Variants in KLHL22 observed in about 807,000 individuals in gnomAD.
The protein encoded by KLHL22 is kelch-like protein 22.
KLHL22 carries 18 observed loss-of-function variants against 60.7 expected under a neutral mutation model. The ratio of observed to expected loss-of-function variants is 0.30; its 90% CI spans 0.20 to 0.44. The LOEUF is 0.44. KLHL22 is among the 20% of genes least tolerant of loss of function. The probability of loss-of-function intolerance (pLI) is 1.00; values close to 1 mark genes in which losing one functional copy is unlikely to be tolerated. For missense variants in KLHL22, 596 were observed against 852.3 expected (o/e 0.70, Z 3.74); for synonymous variants, 355 against 354.5 (o/e 1.00, Z -0.01).
In KLHL22 at chr22:20,446,687, C is replaced by A; in HGVS notation, c.1306-11G>T. 1.9e-6 allele frequency: 3 copies of A among 1,604,832 alleles called. No homozygotes were observed. Among genetic ancestry groups the A allele is most frequent in the Non-Finnish European group, 2.5e-6 (3 of 1,177,594 alleles). On this transcript the variant is annotated splice_polypyrimidine_tract_variant and intron_variant, in intron 5 of 6. Transcript: ENST00000328879. ...TGCGTGGGCATACACCTGTGTGGAG[C>A]CACCAGGAGAAATGGCGTGAGAGGG... is the stretch of plus-strand genomic sequence containing the variant.
chr22:20,446,414 G>C, intron 6 of KLHL22, 29 bp downstream of exon 6: 2 of 1,215,298 alleles, frequency 1.6e-6, no homozygotes, highest in Non-Finnish European at 2.4e-6. Context: ...GAATGATGAC[G>C]GGTGTGGACT....
Position 20,441,778 on chromosome 22 carries a change from G to T in KLHL22, c.*295C>A, listed in dbSNP as rs978854516. ...TCCCAGGTCCTTTTGGAGAAGGACTGATCTAGGCAGGGAGGAGAGAAGGCC... is the reference window on the plus strand; with the variant it reads ...TCCCAGGTCCTTTTGGAGAAGGACTTATCTAGGCAGGGAGGAGAGAAGGCC... On this transcript the variant is annotated 3_prime_UTR_variant, in exon 7 of 7. Coordinates refer to ENST00000328879, the MANE Select transcript of KLHL22 (RefSeq NM_032775.4). 3.2e-6 allele frequency: 1 copy of T among 316,948 alleles called. No homozygotes were observed. The highest frequency in any genetic ancestry group is 5.1e-5 in the Admixed American group (1 of 19,798). 19.6% of individuals were successfully genotyped at this position (316,948 alleles called of 1,614,324 possible). A position where few individuals can be genotyped will look rare whatever the true frequency, so the allele number is the denominator to read the frequency against.
chr22:20,465,176 G>T lies in KLHL22; in HGVS notation c.794C>A (p.Pro265His), dbSNP rs948790948. Residue 265 changes from proline (P) to histidine (H), a missense_variant, in exon 4 of 7, where the codon CCT (proline) becomes CAT (histidine). Pro to His is a moderately conservative substitution (Grantham distance 77, BLOSUM62 -2). Coordinates refer to ENST00000328879, the MANE Select transcript of KLHL22 (RefSeq NM_032775.4). This position sits in a 1 kb window ranked among gnomAD's most constrained non-coding sequence, Gnocchi z 4.9. The stretch of plus-strand genomic sequence containing the variant: ...GGCGCTGGCCACTGTGTCCCTCAAA[G>T]GGCTGGGGTCCAGCTTGTCATGCAG... The part of the protein sequence containing the change: ...QRLHDKLDPS[P>H]LRDTVASALM... 3 of 1,613,880 alleles carry T rather than the reference G, an allele frequency of 1.9e-6. No individual in the cohort carries two copies. Among genetic ancestry groups the T allele is most frequent in the Non-Finnish European group, 8.5e-7 (1 of 1,180,016 alleles).
chr22:20,449,958 C>T (rs753381238), intron 5 of KLHL22, among the ~76,000 whole-genome samples: 40 of 152,132 alleles, frequency 2.6e-4, no homozygotes, highest in Non-Finnish European at 5.1e-4. Context: ...GCCTCCGGGC[C>T]GGGGCGGCGG....
chr22:20,486,111 G>A (rs1242466364), intron 2 of KLHL22, among the ~76,000 whole-genome samples: 2 of 145,424 alleles, frequency 1.4e-5, no homozygotes, highest in Admixed American at 1.4e-4. Context: ...AGGTTGCAGT[G>A]AGCCGAGATC....
chr22:20,492,706 C>T (rs1414035598), intron 1 of KLHL22, among the ~76,000 whole-genome samples: 2 of 152,092 alleles, frequency 1.3e-5, no homozygotes, highest in African/African-American at 2.4e-5. Flanking sequence ...TCTCCTGCCT[C>T]AGCCTCCCCA....
chr22:20,494,084 C>CCA (rs397808627), intron 1 of KLHL22, among the ~76,000 whole-genome samples: 17 of 91,154 alleles, frequency 1.9e-4, no homozygotes, highest in East Asian at 6.6e-4. Context: ...GCCCCCCCCC[C>CCA]AAAAAAAAAA....
rs1025200752 is a variant in KLHL22 at position 20,495,084 on chromosome 22, C to A, written c.-34+676G>T. Among the ~76,000 whole-genome samples the A allele has an allele frequency of 3.9e-5, 6 of 152,202 alleles. No individual in the cohort carries two copies. The highest frequency in any genetic ancestry group is 1.4e-4 in the African/African-American group (6 of 41,452). ...ATCTCCCAGGGAGCCGTCTTGGAGG[C>A]ACTCGGCCCCGCGGAGGGCCGGAGC... On this transcript the variant is annotated intron_variant, in intron 1 of 6. Transcript: ENST00000328879. The surrounding 1 kb of genome is among the most constrained non-coding windows in gnomAD (Gnocchi z 4.6).
chr22:20,465,968 C>G lies in KLHL22; in HGVS notation c.394-392G>C, dbSNP rs1194748119. Among the ~76,000 whole-genome samples the G allele has an allele frequency of 6.6e-6, 1 of 152,006 alleles. No homozygotes were observed. The highest frequency in any genetic ancestry group is 6.5e-5 in the Admixed American group (1 of 15,268). ...ACAGAATGTTTTTAACCTCTCTAAG[C>G]CTCAGTCTCCTCATCTATAAAACGG... On this transcript the variant is annotated intron_variant, in intron 3 of 6. Transcript: ENST00000328879. This position sits in a 1 kb window ranked among gnomAD's most constrained non-coding sequence, Gnocchi z 4.9.
chr22:20,484,380 C>T (rs2053553823), intron 2 of KLHL22, among the ~76,000 whole-genome samples: 1 of 152,152 alleles, frequency 6.6e-6, no homozygotes, highest in Non-Finnish European at 1.5e-5. Context: ...CTACAACCTC[C>T]ACCTCCCAGG....
At chr22:20,481,715 C>T (rs981239684) in intron 2 of KLHL22, among the ~76,000 whole-genome samples, 1 of 152,092 alleles carries the variant, frequency 6.6e-6, no homozygotes, top group South Asian at 2.1e-4. Flanking sequence ...GCAATCCTCT[C>T]ACCTCAGCCT....
chr22:20,478,447 C>T (rs551575877), intron 2 of KLHL22, among the ~76,000 whole-genome samples: 7 of 151,400 alleles, frequency 4.6e-5, no homozygotes, highest in Non-Finnish European at 8.8e-5. Flanking sequence ...TCAGGTGATC[C>T]ACCCTCTTCA....
Position 20,489,098 on chromosome 22 carries a change from T to C in KLHL22, c.114A>G (p.Arg38=), listed in dbSNP as rs771357576. The C allele has an allele frequency of 8.1e-6, 13 of 1,613,976 alleles. No individual in the cohort carries two copies. The highest frequency in any genetic ancestry group is 1.1e-5 in the Non-Finnish European group (13 of 1,180,028). Residue 38 remains arginine, a synonymous_variant, in exon 2 of 7, where the codon CGA becomes CGG. Transcript: ENST00000328879. ...RSAQHSQALL[R]GLLALRDSGI... ...CGCTGTCCCGGAGAGCCAGCAGCCC[T>C]CGGAGCAGAGCCTGGGAGTGCTGTG...
At chr22:20,470,349 TAA>T (rs58617703) in intron 3 of KLHL22, among the ~76,000 whole-genome samples, 33 of 138,882 alleles carry the variant, frequency 2.4e-4, no homozygotes, top group East Asian at 2.1e-4. Context: ...ACCCTGTCTT[TAA>T]AAAAAAAAAA....
At chr22:20,470,076 C>T (rs1256177658) in intron 3 of KLHL22, among the ~76,000 whole-genome samples, 1 of 152,100 alleles carries the variant, frequency 6.6e-6, no homozygotes, top group Non-Finnish European at 1.5e-5. Flanking sequence ...CAGAGGCTCA[C>T]ACCTGTAATC....
At chr22:20,467,840 A>C (rs187779231) in intron 3 of KLHL22, among the ~76,000 whole-genome samples, 207 of 152,230 alleles carry the variant, frequency 1.4e-3, no homozygotes, top group Middle Eastern at 6.8e-3. Flanking sequence ...TTGTATTTTT[A>C]GTAGAGACGG....
rs115081788 is a variant in KLHL22 at position 20,485,236 on chromosome 22, G to A, written c.227+3749C>T. ...GCCTTTGGGCTCTTCAGACTATAAG[G>A]GTCCAGGAGGAGAGGAGAAACCACC... On this transcript the variant is annotated intron_variant, in intron 2 of 6. Coordinates refer to ENST00000328879, the MANE Select transcript of KLHL22 (RefSeq NM_032775.4). Among the ~76,000 whole-genome samples, 615 of 152,240 alleles carry A rather than the reference G, an allele frequency of 4.0e-3. 7 individuals are homozygous for A. The highest frequency in any genetic ancestry group is 0.014 in the African/African-American group (582 of 41,530).
At position 20,465,024 on chromosome 22, in the gene KLHL22, C is replaced by T; in HGVS notation, c.946G>A (p.Asp316Asn). ...AAGGGGTTTAGATACTTGGCCTGGTCGCTGAGGACAGTGGACGGCGTGGAG... is the reference window on the plus strand; with the variant it reads ...AAGGGGTTTAGATACTTGGCCTGGTTGCTGAGGACAGTGGACGGCGTGGAG... ...IHSTPSTVLS[D>N]QAKYLNPLLG... Residue 316 changes from aspartate (D) to asparagine (N), a missense_variant, in exon 4 of 7, where the codon GAC becomes AAC. Coordinates refer to ENST00000328879, the MANE Select transcript of KLHL22 (RefSeq NM_032775.4). The surrounding 1 kb of genome is among the most constrained non-coding windows in gnomAD (Gnocchi z 4.9). 11 of 1,611,222 alleles carry T rather than the reference C, an allele frequency of 6.8e-6. No individual in the cohort carries two copies. The highest frequency in any genetic ancestry group is 1.1e-5 in the South Asian group (1 of 90,694).
At position 20,488,155 on chromosome 22, in the gene KLHL22, G is replaced by A. The variant is rs746674733; in HGVS notation, c.227+830C>T. Among the ~76,000 whole-genome samples, 93 of 151,848 alleles carry A rather than the reference G, an allele frequency of 6.1e-4. 2 individuals are homozygous for A. The highest frequency in any genetic ancestry group is 1.2e-3 in the Non-Finnish European group (79 of 67,950). On this transcript the variant is annotated intron_variant, in intron 2 of 6. Transcript: ENST00000328879. The stretch of plus-strand genomic sequence containing the variant: ...AAAAATAGAGAGAGATAAAGAGAAA[G>A]AGAGAGAGAGAGAACTACAACTAAG...
Sources: allele counts gnomAD v4.1 joint callset (sites outside exome capture counted in the v4.1 genomes callset), GRCh38; gene constraint gnomAD v4.1.1; non-coding constraint Gnocchi (gnomAD v3.1); transcripts MANE v1.5; gene names NCBI Gene and HGNC (gene_info 2026-07-23, HGNC 2026-07-21).